TXNL4A: variants seen among roughly 807,000 people sequenced by gnomAD.
TXNL4A encodes the protein thioredoxin like 4A.
A neutral mutation model predicts 14.6 loss-of-function variants in TXNL4A; 17 were observed. That is an observed-to-expected ratio of 1.16 (90% CI 0.80 to 1.74). TXNL4A has a LOEUF of 1.74. Ranked by LOEUF, TXNL4A falls within the 40% of genes most tolerant of loss-of-function variation. TXNL4A has a pLI of 0.00. For missense variants in TXNL4A, 74 were observed against 195.2 expected (o/e 0.38, Z 3.70); for synonymous variants, 83 against 70.6 (o/e 1.18, Z -0.88).
chr18:80,024,142 T>C (rs186605317), intron 1 of TXNL4A, among the ~76,000 whole-genome samples: 3 of 152,178 alleles, frequency 2.0e-5, no homozygotes, highest in Admixed American at 2.0e-4. Context: ...ATCCCTGATC[T>C]TCCAATGTTT....
intron 1 of TXNL4A, among the ~76,000 whole-genome samples, chr18:80,031,183 A>T (rs1264150969): frequency 6.6e-6 from 1 of 152,218 alleles, no homozygotes; most frequent in Non-Finnish European, 1.5e-5. Flanking sequence ...AACTCAGTCA[A>T]AATGTTCCTT....
intron 1 of TXNL4A, among the ~76,000 whole-genome samples, chr18:80,002,253 A>G (rs2051702969): frequency 6.6e-6 from 1 of 152,192 alleles, no homozygotes; most frequent in Admixed American, 6.5e-5. Context: ...ACCAGCAAAC[A>G]GATGGTCAAG....
intron 1 of TXNL4A, among the ~76,000 whole-genome samples, chr18:80,010,722 T>C (rs538495614): frequency 1.3e-5 from 2 of 152,336 alleles, no homozygotes; most frequent in South Asian, 2.1e-4. Context: ...TTTCCATCTG[T>C]GTAGCCACGG....
At chr18:80,027,129 T>C (rs1286346818) in intron 1 of TXNL4A, among the ~76,000 whole-genome samples, 1 of 151,970 alleles carries the variant, frequency 6.6e-6, no homozygotes, top group Non-Finnish European at 1.5e-5. Context: ...ATAGGGAAAA[T>C]ATTCTCAGCC....
At chr18:79,998,338 T>C (rs903449612) in intron 1 of TXNL4A, among the ~76,000 whole-genome samples, 1 of 151,842 alleles carries the variant, frequency 6.6e-6, no homozygotes, top group Admixed American at 6.6e-5. Flanking sequence ...TTCTTCCTTA[T>C]GGCTCAACCT....
intron 1 of TXNL4A, among the ~76,000 whole-genome samples, chr18:80,010,353 T>C (rs1036292723): frequency 2.6e-5 from 4 of 152,086 alleles, no homozygotes; most frequent in Non-Finnish European, 5.9e-5. Flanking sequence ...TCCCGGGACC[T>C]TGGCCCAGGA....
chr18:79,978,723 G>A (rs2051417343), intron 1 of TXNL4A, among the ~76,000 whole-genome samples: 1 of 152,026 alleles, frequency 6.6e-6, no homozygotes, highest in Non-Finnish European at 1.5e-5. Flanking sequence ...TGAACTCCTG[G>A]ACTCAAGTGA....
intron 1 of TXNL4A, chr18:79,986,882 C>T (rs1011482834): frequency 1.8e-6 from 1 of 566,670 alleles, no homozygotes; most frequent in Non-Finnish European, 2.2e-6. Flanking sequence ...TCCACTACAG[C>T]TCAAGCAATG....
intron 1 of TXNL4A, among the ~76,000 whole-genome samples, chr18:80,017,908 CT>C (rs1340872418): frequency 6.6e-6 from 1 of 151,332 alleles, no homozygotes; most frequent in Non-Finnish European, 1.5e-5. Context: ...CCCTCTTTTT[CT>C]ATTGATTGGA....
chr18:79,978,754 A>G (rs973258852), intron 1 of TXNL4A, among the ~76,000 whole-genome samples: 2 of 152,152 alleles, frequency 1.3e-5, no homozygotes, highest in African/African-American at 2.4e-5. Flanking sequence ...TTGGCCTCCC[A>G]AAGTGCTGCG....
intron 1 of TXNL4A, among the ~76,000 whole-genome samples, chr18:79,983,003 T>C (rs939844606): frequency 3.3e-5 from 5 of 152,066 alleles, no homozygotes; most frequent in Admixed American, 2.0e-4. Flanking sequence ...CAAAGGCAGC[T>C]TTTTCTTTTC....
chr18:80,031,055 T>C (rs1340624315), intron 1 of TXNL4A, among the ~76,000 whole-genome samples: 2 of 152,210 alleles, frequency 1.3e-5, no homozygotes, highest in African/African-American at 4.8e-5. Context: ...TAGCTCTCAC[T>C]TCAGCATTTC....
At chr18:80,012,832 T>A (rs1019843771) in intron 1 of TXNL4A, among the ~76,000 whole-genome samples, 6 of 147,134 alleles carry the variant, frequency 4.1e-5, no homozygotes, top group African/African-American at 1.5e-4. Context: ...TCCATTAAAT[T>A]TTTTTTTTTT....
chr18:79,981,504 T>TCTA (rs1160184754), intron 1 of TXNL4A, among the ~76,000 whole-genome samples: 2 of 152,030 alleles, frequency 1.3e-5, no homozygotes, highest in Admixed American at 1.3e-4. Context: ...CAACCCTGTC[T>TCTA]CTACTAAAAA....
At chr18:80,009,570 G>C (rs1390490630) in intron 1 of TXNL4A, among the ~76,000 whole-genome samples, 1 of 152,160 alleles carries the variant, frequency 6.6e-6, no homozygotes, top group Non-Finnish European at 1.5e-5. Flanking sequence ...TTGGCTGAGA[G>C]GAAGAAATAG....
intron 1 of TXNL4A, among the ~76,000 whole-genome samples, chr18:80,024,607 G>A (rs9959394): frequency 0.3 from 45,175 of 152,056 alleles, 7,039 homozygotes; most frequent in Non-Finnish European, 0.35. Flanking sequence ...TCAGCCTTCC[G>A]GGGCATTCTC....
intron 2 of TXNL4A, 73 bp downstream of exon 2, chr18:79,977,525 A>G (rs760777183): frequency 1.9e-5 from 24 of 1,272,642 alleles, no homozygotes; most frequent in South Asian, 1.4e-4. Context: ...AAAATAATCT[A>G]AAGAGATCTT....
At chr18:80,000,623 G>T (rs2051692393) in intron 1 of TXNL4A, among the ~76,000 whole-genome samples, 1 of 152,178 alleles carries the variant, frequency 6.6e-6, no homozygotes, top group South Asian at 2.1e-4. Context: ...GCAGAAATTT[G>T]CATAAGTAAT....
upstream of TXNL4A, among the ~76,000 whole-genome samples, chr18:79,990,752 A>T (rs1020804831): frequency 8.5e-5 from 13 of 152,368 alleles, no homozygotes; most frequent in African/African-American, 3.1e-4. Flanking sequence ...AAGGACATTA[A>T]GTACATTCAT....
Sources: gnomAD v4.1 joint callset for allele counts (sites outside exome capture counted in the v4.1 genomes callset) on GRCh38, gnomAD v4.1.1 for gene constraint, MANE v1.5 for transcripts, NCBI Gene and HGNC (gene_info 2026-07-23, HGNC 2026-07-21) for gene names.